ETFA: variants seen among roughly 807,000 people sequenced by gnomAD.
ETFA encodes the protein electron transfer flavoprotein subunit alpha, also known as electron transfer flavoprotein subunit alpha, mitochondrial.
In ETFA, 22 loss-of-function variants were observed where a neutral mutation model predicts 46.2. That is an observed-to-expected ratio of 0.48 (90% CI 0.34 to 0.68). The LOEUF (loss-of-function observed/expected upper bound fraction) is 0.68. Ranked by LOEUF, ETFA falls within the 30% of genes least tolerant of loss-of-function variation. ETFA has a pLI of 0.01. For missense variants in ETFA, 345 were observed against 401.1 expected (o/e 0.86, Z 1.19); for synonymous variants, 131 against 139.9 (o/e 0.94, Z 0.45).
chr15:76,259,121 T>G (rs2141491361), intron 9 of ETFA: 1 of 1,516,016 alleles, frequency 6.6e-7, no homozygotes. Context: ...TGTATCAACA[T>G]TCACTGGGAG....
chr15:76,281,417 G>A lies in ETFA; in HGVS notation c.733+2340C>T, dbSNP rs892658044. ...TCCTATTAGTCTCCCTAACACTTAC[G>A]ACTCTCTAACATTTTTTTTTTTTTT... On this transcript the variant is annotated intron_variant, in intron 8 of 11. Transcript: ENST00000557943. Among the ~76,000 whole-genome samples, 16 of 150,814 alleles carry A rather than the reference G, an allele frequency of 1.1e-4. 1 individual carries two copies. The highest frequency in any genetic ancestry group is 3.7e-4 in the African/African-American group (15 of 40,908).
At chr15:76,225,027 T>C (rs1220512588) in intron 11 of ETFA, among the ~76,000 whole-genome samples, 1 of 152,110 alleles carries the variant, frequency 6.6e-6, no homozygotes, top group Middle Eastern at 3.2e-3. Context: ...GTGCTCTCCC[T>C]ACACTCGTCA....
At chr15:76,304,860 T>G (rs923658580) in intron 1 of ETFA, among the ~76,000 whole-genome samples, 4 of 152,012 alleles carry the variant, frequency 2.6e-5, no homozygotes, top group South Asian at 4.2e-4. Flanking sequence ...CTGGCTAACA[T>G]GGTGAAACCC....
rs1017318336 is a variant in ETFA at position 76,283,147 on chromosome 15, T to C, written c.733+610A>G. Among the ~76,000 whole-genome samples, 17 of 152,234 alleles carry C rather than the reference T, an allele frequency of 1.1e-4. 2 individuals carry two copies. The South Asian group carries it at 2.7e-3, about 24-fold the overall frequency. On this transcript the variant is annotated intron_variant, in intron 8 of 11. Coordinates refer to ENST00000557943, the MANE Select transcript of ETFA (RefSeq NM_000126.4). The stretch of plus-strand genomic sequence containing the variant: ...CCAAAAAAAAGATGAAAAACCAGGG[T>C]ATTCCTGAATCTGAAGTAGGCACTG...
rs148537165 is a variant in ETFA, at chr15:76,294,308, C to T, written c.186+1283G>A. ...CAGGGAAACCAAAAAGATAGCTTAG[C>T]CATCATATACTGTGGCTAATACAGA... On this transcript the variant is annotated intron_variant, in intron 2 of 11. Transcript: ENST00000557943. 4.8e-3 allele frequency among the ~76,000 whole-genome samples: 738 copies of T among 152,230 alleles called. 4 individuals carry two copies. The highest frequency in any genetic ancestry group is 0.017 in the African/African-American group (716 of 41,538).
chr15:76,310,491 A>G (rs2039986297), intron 1 of ETFA, among the ~76,000 whole-genome samples: 1 of 152,028 alleles, frequency 6.6e-6, no homozygotes. Flanking sequence ...TACACAATCC[A>G]CAATATAAAT....
chr15:76,306,264 CTTCT>C (rs2039939185), intron 1 of ETFA, among the ~76,000 whole-genome samples: 1 of 55,054 alleles, frequency 1.8e-5, no homozygotes, highest in African/African-American at 4.7e-5. Context: ...GGTTTTTTTG[CTTCT>C]TTTTTTTTTT....
chr15:76,289,322 C>A (rs1038418105), intron 4 of ETFA, among the ~76,000 whole-genome samples: 5 of 152,168 alleles, frequency 3.3e-5, no homozygotes, highest in African/African-American at 1.2e-4. Flanking sequence ...GAACCACCTT[C>A]TTTAACTGTT....
intron 9 of ETFA, among the ~76,000 whole-genome samples, chr15:76,254,371 G>C (rs1405297313): frequency 1.3e-5 from 2 of 152,150 alleles, no homozygotes; most frequent in African/African-American, 4.8e-5. Flanking sequence ...TAAAAGAACT[G>C]AACATAAGGA....
At chr15:76,283,094 T>C (rs1374171350) in intron 8 of ETFA, among the ~76,000 whole-genome samples, 1 of 152,238 alleles carries the variant, frequency 6.6e-6, no homozygotes, top group Non-Finnish European at 1.5e-5. Flanking sequence ...AATGTATTTC[T>C]ATTTGTATAA....
chr15:76,252,791 ATTCTT>A (rs2039311233), intron 9 of ETFA, among the ~76,000 whole-genome samples: 1 of 152,082 alleles, frequency 6.6e-6, no homozygotes, highest in Admixed American at 6.5e-5. Flanking sequence ...GAATATTTCT[ATTCTT>A]AGGAAATACA....
chr15:76,298,426 T>C (rs1237051293), intron 1 of ETFA, among the ~76,000 whole-genome samples: 1 of 152,198 alleles, frequency 6.6e-6, no homozygotes, highest in Non-Finnish European at 1.5e-5. Flanking sequence ...AGGTAGGGAC[T>C]AGGCATGTAC....
At chr15:76,262,672 C>T (rs545059630) in intron 9 of ETFA, among the ~76,000 whole-genome samples, 29 of 151,800 alleles carry the variant, frequency 1.9e-4, no homozygotes, top group African/African-American at 4.1e-4. Context: ...TCAGTAGAGA[C>T]GGGGTTTCAC....
intron 10 of ETFA, among the ~76,000 whole-genome samples, chr15:76,227,404 C>A (rs953834299): frequency 1.3e-5 from 2 of 149,730 alleles, no homozygotes; most frequent in African/African-American, 2.5e-5. Context: ...GTACTCCCAG[C>A]TGTTTGGGAG....
At chr15:76,230,604 TG>T (rs996901608) in intron 10 of ETFA, 1 of 138,026 alleles carries the variant, frequency 7.2e-6, no homozygotes, top group African/African-American at 2.7e-5. Context: ...CTCGCCATCA[TG>T]CCTGGCTAAT....
chr15:76,284,498 A>T lies in ETFA; in HGVS notation c.665-673T>A, dbSNP rs181420090. On this transcript the variant is annotated intron_variant, in intron 7 of 11. Coordinates refer to ENST00000557943, the MANE Select transcript of ETFA (RefSeq NM_000126.4). Reference sequence around the variant, plus strand: ...AATTATTATTTTTATTTATTTATTTATTTATTTTTTAGGAGGAGTTTCACT... The same window carrying T: ...AATTATTATTTTTATTTATTTATTTTTTTATTTTTTAGGAGGAGTTTCACT... 7.3e-3 allele frequency: 1,457 copies of T among 200,334 alleles called. 8 individuals carry two copies. The highest frequency in any genetic ancestry group is 9.8e-3 in the Non-Finnish European group (1,010 of 102,548). 12.4% of individuals were successfully genotyped at this position (200,334 alleles called of 1,614,324 possible).
intron 9 of ETFA, among the ~76,000 whole-genome samples, chr15:76,262,408 AGCTT>A (rs2039423756): frequency 1.3e-5 from 2 of 151,856 alleles, no homozygotes; most frequent in African/African-American, 4.8e-5. Flanking sequence ...AGATTTAAGA[AGCTT>A]GCTATCTGAA....
At chr15:76,294,886 C>T (rs951685414) in intron 2 of ETFA, among the ~76,000 whole-genome samples, 1 of 152,146 alleles carries the variant, frequency 6.6e-6, no homozygotes, top group Non-Finnish European at 1.5e-5. Context: ...ATCCTCAAAA[C>T]ATACTCCCTT....
chr15:76,273,572 C>A (rs1567211602), intron 9 of ETFA, among the ~76,000 whole-genome samples: 1 of 151,282 alleles, frequency 6.6e-6, no homozygotes, highest in South Asian at 2.1e-4. Context: ...CAAAACAAAA[C>A]AAAACAAAAC....
Sources: allele counts gnomAD v4.1 joint callset (sites outside exome capture counted in the v4.1 genomes callset), GRCh38; gene constraint gnomAD v4.1.1; transcripts MANE v1.5; gene names NCBI Gene and HGNC (gene_info 2026-07-23, HGNC 2026-07-21).